The following GRID1 variants were observed in gnomAD, a reference collection of about 807,000 sequenced individuals.
The protein encoded by GRID1 is glutamate receptor ionotropic, delta-1.
Under a neutral mutation model 98.0 loss-of-function variants are expected in GRID1, and 28 were observed. That is an observed-to-expected ratio of 0.29 (90% CI 0.21 to 0.39). The LOEUF (loss-of-function observed/expected upper bound fraction) is 0.39, where lower values mean the gene tolerates loss of function less well. Among genes scored for constraint, GRID1 ranks in the 10% least tolerant of loss-of-function variants. The probability of loss-of-function intolerance (pLI) is 1.00; values close to 1 mark genes in which losing one functional copy is unlikely to be tolerated. For missense variants in GRID1, 1,111 were observed against 1,340.5 expected (o/e 0.83, Z 2.67); for synonymous variants, 553 against 538.5 (o/e 1.03, Z -0.37).
chr10:85,648,900 G>C (rs1191639974), intron 12 of GRID1, among the ~76,000 whole-genome samples: 1 of 152,188 alleles, frequency 6.6e-6, no homozygotes, highest in Non-Finnish European at 1.5e-5. Context: ...CAAGGGCTCT[G>C]GAGTCCAATT....
intron 2 of GRID1, among the ~76,000 whole-genome samples, chr10:86,273,502 T>G (rs1486078341): frequency 6.6e-6 from 1 of 151,234 alleles, no homozygotes; most frequent in Non-Finnish European, 1.5e-5. Flanking sequence ...ACTTCCACAA[T>G]GGTTGAACTA....
At chr10:85,779,652 C>G (rs1160504389) in intron 8 of GRID1, among the ~76,000 whole-genome samples, 1 of 152,066 alleles carries the variant, frequency 6.6e-6, no homozygotes, top group Non-Finnish European at 1.5e-5. Context: ...ATTATCCACT[C>G]TACAAGCAGA....
At chr10:85,947,404 T>C (rs1842066938) in intron 4 of GRID1, among the ~76,000 whole-genome samples, 1 of 152,120 alleles carries the variant, frequency 6.6e-6, no homozygotes, top group South Asian at 2.1e-4. Flanking sequence ...ATAATGGCCA[T>C]GGATAACTTT....
At chr10:85,667,070 C>A (rs1188240477) in intron 12 of GRID1, among the ~76,000 whole-genome samples, 1 of 152,166 alleles carries the variant, frequency 6.6e-6, no homozygotes, top group Non-Finnish European at 1.5e-5. Flanking sequence ...CAGAGAGGAG[C>A]AGACACACAG....
intron 3 of GRID1, among the ~76,000 whole-genome samples, chr10:86,143,035 T>C (rs1285673653): frequency 1.3e-5 from 2 of 152,208 alleles, no homozygotes; most frequent in Admixed American, 6.5e-5. Flanking sequence ...CAGCCCCTAA[T>C]GGGACTGAGG....
intron 13 of GRID1, among the ~76,000 whole-genome samples, chr10:85,640,362 T>A (rs1564686041): frequency 6.6e-6 from 1 of 152,244 alleles, no homozygotes; most frequent in Admixed American, 6.5e-5. Context: ...GGATCATGGC[T>A]ACAAGGGCTC....
At chr10:86,148,277 C>T (rs114220531) in intron 3 of GRID1, among the ~76,000 whole-genome samples, 16 of 152,354 alleles carry the variant, frequency 1.1e-4, no homozygotes, top group African/African-American at 3.8e-4. Flanking sequence ...CAATGGAATG[C>T]TCTTCAGCCT....
chr10:85,625,652 T>G lies in GRID1; in HGVS notation c.2194-5619A>C, dbSNP rs1842903522. On this transcript the variant is annotated intron_variant, in intron 13 of 15. Transcript: ENST00000327946. ...CTTAGCAAGCAGATTCCCTTCTCAG[T>G]CTACCTGCTCCCTGGGTTGTTGCAA... Among the ~76,000 whole-genome samples the G allele has an allele frequency of 1.3e-5, 2 of 152,186 alleles. 1 individual carries two copies. Among genetic ancestry groups the G allele is most frequent in the South Asian group, 4.1e-4 (2 of 4,824 alleles).
chr10:85,817,447 G>A (rs965661713), intron 8 of GRID1, among the ~76,000 whole-genome samples: 6 of 152,000 alleles, frequency 3.9e-5, no homozygotes, highest in Non-Finnish European at 8.8e-5. Flanking sequence ...GAGAGCCTGA[G>A]CCCAAGAGGT....
chr10:85,852,614 G>A (rs937642772), intron 8 of GRID1, among the ~76,000 whole-genome samples: 1 of 152,226 alleles, frequency 6.6e-6, no homozygotes, highest in African/African-American at 2.4e-5. Flanking sequence ...CGCCAGGACC[G>A]TGGTCGATGT....
At chr10:85,652,938 C>A (rs1459419642) in intron 12 of GRID1, among the ~76,000 whole-genome samples, 1 of 152,148 alleles carries the variant, frequency 6.6e-6, no homozygotes, top group Non-Finnish European at 1.5e-5. Flanking sequence ...GTGGATTTTA[C>A]ATAGTTGAGA....
chr10:85,837,498 G>C (rs1007722322), intron 8 of GRID1, among the ~76,000 whole-genome samples: 1 of 152,130 alleles, frequency 6.6e-6, no homozygotes, highest in Non-Finnish European at 1.5e-5. Flanking sequence ...CCCAATACAA[G>C]TTCTCCAGAG....
At chr10:86,305,050 G>T (rs1043676202) in intron 2 of GRID1, among the ~76,000 whole-genome samples, 3 of 151,538 alleles carry the variant, frequency 2.0e-5, no homozygotes, top group Admixed American at 6.6e-5. Context: ...AGTAGATTCT[G>T]AGTAAAGCAG....
chr10:85,635,469 C>T (rs968238153), intron 13 of GRID1, among the ~76,000 whole-genome samples: 1 of 152,202 alleles, frequency 6.6e-6, no homozygotes, highest in African/African-American at 2.4e-5. Context: ...AATTTTGCTG[C>T]TCACTCATGT....
intron 4 of GRID1, among the ~76,000 whole-genome samples, chr10:86,027,125 A>C (rs1462332900): frequency 6.6e-6 from 1 of 152,228 alleles, no homozygotes; most frequent in East Asian, 1.9e-4. Context: ...TACATGACAT[A>C]AAATCCACAA....
At chr10:86,361,827 T>C (rs960671459) in intron 2 of GRID1, among the ~76,000 whole-genome samples, 1 of 152,252 alleles carries the variant, frequency 6.6e-6, no homozygotes, top group African/African-American at 2.4e-5. Context: ...TAAAGCTGTG[T>C]GACAGCTTCT....
intron 4 of GRID1, among the ~76,000 whole-genome samples, chr10:86,136,874 G>A (rs1316313290): frequency 2.0e-5 from 3 of 152,220 alleles, no homozygotes; most frequent in African/African-American, 7.2e-5. Flanking sequence ...CCACCTAGGT[G>A]ATGGGATCCG....
intron 14 of GRID1, among the ~76,000 whole-genome samples, 161 bp from the exon 15 acceptor site, chr10:85,613,808 C>G (rs1842760072): frequency 6.6e-6 from 1 of 152,224 alleles, no homozygotes; most frequent in South Asian, 2.1e-4. Context: ...ACTCTCCACA[C>G]TGCAGGTAAA....
chr10:86,061,743 C>T (rs1219032556), intron 4 of GRID1, among the ~76,000 whole-genome samples: 2 of 152,246 alleles, frequency 1.3e-5, no homozygotes, highest in Non-Finnish European at 2.9e-5. Flanking sequence ...AAGACTCCTC[C>T]TGCAGGAATC....
Sources: gnomAD v4.1 joint callset for allele counts (sites outside exome capture counted in the v4.1 genomes callset) on GRCh38, gnomAD v4.1.1 for gene constraint, MANE v1.5 for transcripts, NCBI Gene and HGNC (gene_info 2026-07-23, HGNC 2026-07-21) for gene names.